Variants in NTM observed in about 807,000 individuals in gnomAD.
The protein encoded by NTM is neurotrimin, also known as IgLON family member 2.
NTM carries 13 observed loss-of-function variants against 42.1 expected under a neutral mutation model. The ratio of observed to expected loss-of-function variants is 0.31; its 90% CI spans 0.20 to 0.49. The LOEUF (loss-of-function observed/expected upper bound fraction) is 0.49. NTM is among the 20% of genes least tolerant of loss of function. The pLI is 0.99. For missense variants in NTM, 373 were observed against 452.8 expected, an observed-to-expected ratio of 0.82 and a Z score of 1.60; for synonymous variants, 187 against 179.2, an observed-to-expected ratio of 1.04 and a Z score of -0.35.
chr11:132,037,084 A>G (rs1378851518), intron 2 of NTM, among the ~76,000 whole-genome samples: 3 of 152,074 alleles, frequency 2.0e-5, no homozygotes, highest in African/African-American at 7.2e-5. Context: ...ACCTCTGCTG[A>G]AGTTTGATCC....
At chr11:131,710,888 G>A (rs925952031) in intron 1 of NTM, among the ~76,000 whole-genome samples, 3 of 152,054 alleles carry the variant, frequency 2.0e-5, no homozygotes, top group Admixed American at 6.5e-5. Context: ...CATAATGGAT[G>A]GACATTCCTC....
intron 2 of NTM, among the ~76,000 whole-genome samples, chr11:132,129,969 G>A (rs1385560625): frequency 6.6e-6 from 1 of 152,222 alleles, no homozygotes; most frequent in Admixed American, 6.5e-5. Flanking sequence ...TCCTGCCAAT[G>A]ACTTTACAGC....
At chr11:131,803,333 A>C (rs1364270153) in intron 1 of NTM, among the ~76,000 whole-genome samples, 2 of 148,562 alleles carry the variant, frequency 1.3e-5, no homozygotes, top group Non-Finnish European at 3.0e-5. Context: ...TCAGAGTCTC[A>C]CTCTGTCGCC....
chr11:131,712,773 G>A (rs1337239117), intron 1 of NTM, among the ~76,000 whole-genome samples: 2 of 151,874 alleles, frequency 1.3e-5, no homozygotes, highest in South Asian at 2.1e-4. Context: ...TTGTAGAGAC[G>A]GGGTTTTTCC....
At chr11:131,386,467 G>A (rs1359032934) in intron 1 of NTM, among the ~76,000 whole-genome samples, 7 of 152,216 alleles carry the variant, frequency 4.6e-5, no homozygotes, top group African/African-American at 1.2e-4. Context: ...TATTTCATGC[G>A]TATTTTACTA....
chr11:132,093,255 T>TTC (rs1446230793), intron 2 of NTM, among the ~76,000 whole-genome samples: 2 of 152,196 alleles, frequency 1.3e-5, no homozygotes, highest in Non-Finnish European at 2.9e-5. Context: ...TCTTTCCTGT[T>TTC]TCTCTCCATG....
intron 1 of NTM, among the ~76,000 whole-genome samples, chr11:131,887,406 C>A (rs556588654): frequency 2.6e-5 from 4 of 152,306 alleles, no homozygotes; most frequent in African/African-American, 7.2e-5. Flanking sequence ...GTCTAGCGAG[C>A]CTTGTGGGCT....
intron 1 of NTM, among the ~76,000 whole-genome samples, chr11:131,456,170 G>A (rs1279734208): frequency 6.6e-6 from 1 of 152,232 alleles, no homozygotes; most frequent in Admixed American, 6.5e-5. Context: ...GGCAAGCTCT[G>A]ACTGGTGAGT....
chr11:132,136,982 C>G (rs1180615584), intron 2 of NTM, among the ~76,000 whole-genome samples: 1 of 152,176 alleles, frequency 6.6e-6, no homozygotes, highest in Non-Finnish European at 1.5e-5. Flanking sequence ...ATTCCAGCCC[C>G]TTTTCTAGTG....
intron 1 of NTM, among the ~76,000 whole-genome samples, chr11:131,371,852 G>C (rs1941246527): frequency 1.3e-5 from 2 of 152,234 alleles, no homozygotes; most frequent in Admixed American, 6.5e-5. Flanking sequence ...TAAGGATCGA[G>C]ACAAGCTGAG....
chr11:132,321,046 C>A (rs2136276794), intron 7 of NTM, among the ~76,000 whole-genome samples: 1 of 151,510 alleles, frequency 6.6e-6, no homozygotes, highest in East Asian at 1.9e-4. Flanking sequence ...CATCAAAGAC[C>A]AAAAGTAGAT....
intron 1 of NTM, among the ~76,000 whole-genome samples, chr11:131,712,943 GGAA>G (rs1300613382): frequency 6.6e-6 from 1 of 152,058 alleles, no homozygotes; most frequent in East Asian, 1.9e-4. Flanking sequence ...AAAGAAGGAA[GGAA>G]GAAGTAGAGA....
At chr11:131,373,614 A>G (rs892754544) in intron 1 of NTM, among the ~76,000 whole-genome samples, 1 of 151,916 alleles carries the variant, frequency 6.6e-6, no homozygotes, top group African/African-American at 2.4e-5. Flanking sequence ...AGCAGACGCT[A>G]CAGAACTGGA....
intron 4 of NTM, among the ~76,000 whole-genome samples, chr11:132,258,747 A>T (rs1314637391): frequency 6.6e-6 from 1 of 152,234 alleles, no homozygotes; most frequent in African/African-American, 2.4e-5. Context: ...GTTCAACACA[A>T]GTAAGCAGGG....
At chr11:131,847,730 T>A (rs886539560) in intron 1 of NTM, among the ~76,000 whole-genome samples, 7 of 150,776 alleles carry the variant, frequency 4.6e-5, no homozygotes, top group South Asian at 2.1e-4. Context: ...CAAAAAAAAA[T>A]AAAAATAAAA....
intron 1 of NTM, among the ~76,000 whole-genome samples, chr11:131,582,886 C>T (rs908440031): frequency 5.3e-5 from 8 of 152,318 alleles, no homozygotes; most frequent in South Asian, 2.1e-4. Context: ...CACGGAATCC[C>T]GCTCTGTCTG....
chr11:131,912,310 C>T (rs1198481649), intron 2 of NTM, among the ~76,000 whole-genome samples: 1 of 152,196 alleles, frequency 6.6e-6, no homozygotes, highest in East Asian at 1.9e-4. Context: ...TTCCTGCTCT[C>T]CACCAAAACG....
chr11:132,326,897 G>T (rs2095694800), intron 7 of NTM, among the ~76,000 whole-genome samples: 1 of 152,226 alleles, frequency 6.6e-6, no homozygotes, highest in South Asian at 2.1e-4. Flanking sequence ...TACCAGGAAA[G>T]ATTTATATGA....
intron 4 of NTM, among the ~76,000 whole-genome samples, chr11:132,232,946 C>T (rs1230259307): frequency 1.3e-5 from 2 of 152,172 alleles, no homozygotes; most frequent in Non-Finnish European, 2.9e-5. Context: ...TTGCTAACTC[C>T]TGCATTTATT....
Sources: gnomAD v4.1 joint callset for allele counts (sites outside exome capture counted in the v4.1 genomes callset) on GRCh38, gnomAD v4.1.1 for gene constraint, MANE v1.5 for transcripts, NCBI Gene and HGNC (gene_info 2026-07-23, HGNC 2026-07-21) for gene names.